CDK19: variants seen among roughly 807,000 people sequenced by gnomAD.
CDK19 encodes cyclin dependent kinase 19, also known as cyclin-dependent kinase 19.
A neutral mutation model predicts 68.3 loss-of-function variants in CDK19; 20 were observed. The ratio of observed to expected loss-of-function variants is 0.29; its 90% CI spans 0.21 to 0.43. The LOEUF is 0.43. CDK19 is among the 20% of genes least tolerant of loss of function. The probability of loss-of-function intolerance (pLI) is 1.00; values close to 1 mark genes in which losing one functional copy is unlikely to be tolerated. For synonymous variants in CDK19, 221 were observed against 222.8 expected, an observed-to-expected ratio of 0.99 and a Z score of 0.07; for missense variants, 339 against 623.5, an observed-to-expected ratio of 0.54 and a Z score of 4.86.
At chr6:110,660,413 T>C (rs1582801310) in intron 4 of CDK19, among the ~76,000 whole-genome samples, 2 of 152,180 alleles carry the variant, frequency 1.3e-5, no homozygotes, top group African/African-American at 4.8e-5. Context: ...AGTGCCCTTT[T>C]AGCTTTGCCA....
chr6:110,801,600 C>T (rs1782352146), intron 1 of CDK19, among the ~76,000 whole-genome samples: 1 of 152,170 alleles, frequency 6.6e-6, no homozygotes, highest in African/African-American at 2.4e-5. Flanking sequence ...CAAGCTCCGC[C>T]TCCCAGGTTC....
chr6:110,741,442 C>A (rs749879184), intron 2 of CDK19, among the ~76,000 whole-genome samples: 14 of 151,012 alleles, frequency 9.3e-5, no homozygotes, highest in African/African-American at 1.7e-4. Context: ...GCCTGGGCAA[C>A]AGAGTGAGAT....
At chr6:110,702,755 T>C (rs1302994738) in intron 2 of CDK19, among the ~76,000 whole-genome samples, 1 of 152,184 alleles carries the variant, frequency 6.6e-6, no homozygotes, top group Middle Eastern at 3.2e-3. Flanking sequence ...TATATATATC[T>C]ATCTCTTTGG....
chr6:110,621,001 C>G lies in CDK19; in HGVS notation c.1377+103G>C. 1 of 1,092,792 alleles carries G rather than the reference C, an allele frequency of 9.2e-7. No homozygotes were observed. Among genetic ancestry groups the G allele is most frequent in the Non-Finnish European group, 1.3e-6 (1 of 762,668 alleles). The allele number at this position is 1,092,792 out of a possible 1,614,324, so 67.7% of individuals were successfully genotyped here. A position where few individuals can be genotyped will look rare whatever the true frequency, so the allele number is the denominator to read the frequency against. ...AGAATGCCCTAGAAACAGGATTGCACAGTCAAATGTAAGAGTTAAGTGTTA... is the reference window on the plus strand; with the variant it reads ...AGAATGCCCTAGAAACAGGATTGCAGAGTCAAATGTAAGAGTTAAGTGTTA... On this transcript the variant is annotated intron_variant, in intron 12 of 12. Transcript: ENST00000368911. The surrounding 1 kb of genome is among the most constrained non-coding windows in gnomAD (Gnocchi z 5.4).
intron 6 of CDK19, among the ~76,000 whole-genome samples, chr6:110,630,325 G>A (rs940194688): frequency 2.6e-5 from 4 of 152,108 alleles, no homozygotes; most frequent in Non-Finnish European, 5.9e-5. Flanking sequence ...TCCCTTCCTC[G>A]TGTCCTGGGT....
At chr6:110,635,504 T>C (rs1391550971) in intron 5 of CDK19, among the ~76,000 whole-genome samples, 1 of 152,186 alleles carries the variant, frequency 6.6e-6, no homozygotes, top group Non-Finnish European at 1.5e-5. Context: ...GGGCAAAATG[T>C]GTTTTCCATG....
chr6:110,664,409 A>G (rs534730040), intron 4 of CDK19, among the ~76,000 whole-genome samples: 2 of 152,242 alleles, frequency 1.3e-5, no homozygotes, highest in African/African-American at 4.8e-5. Flanking sequence ...TCTCTCATCT[A>G]TCTTATAGTA....
chr6:110,727,794 G>A (rs1776424977), intron 2 of CDK19, among the ~76,000 whole-genome samples: 2 of 151,024 alleles, frequency 1.3e-5, no homozygotes, highest in East Asian at 1.9e-4. Context: ...GCAACATACC[G>A]AGACCTCATC....
intron 1 of CDK19, among the ~76,000 whole-genome samples, chr6:110,760,119 G>A (rs976547780): frequency 6.6e-6 from 1 of 152,080 alleles, no homozygotes; most frequent in African/African-American, 2.4e-5. Context: ...AACTAGGCCA[G>A]GCGCGGTGCA....
At chr6:110,660,912 G>A (rs1371903712) in intron 4 of CDK19, among the ~76,000 whole-genome samples, 1 of 152,126 alleles carries the variant, frequency 6.6e-6, no homozygotes, top group Non-Finnish European at 1.5e-5. Flanking sequence ...AGGCTTGAGG[G>A]TAGGAACTTC....
At chr6:110,687,816 ATAAG>A (rs780785281) in intron 2 of CDK19, among the ~76,000 whole-genome samples, 16 of 152,256 alleles carry the variant, frequency 1.1e-4, no homozygotes, top group Non-Finnish European at 2.2e-4. Flanking sequence ...ATAATGAAGA[ATAAG>A]TAACACCATA....
chr6:110,801,441 T>C (rs776814199), intron 1 of CDK19, among the ~76,000 whole-genome samples: 1 of 152,136 alleles, frequency 6.6e-6, no homozygotes, highest in Non-Finnish European at 1.5e-5. Flanking sequence ...GCCATGATCA[T>C]GCCACTGCAC....
rs920247290 is a variant in CDK19 at position 110,623,528 on chromosome 6, T to C, written c.861-166A>G. 4 of 501,952 alleles carry C rather than the reference T, an allele frequency of 8.0e-6. No homozygotes were observed. The African/African-American group carries it at 8.3e-5, about 10-fold the overall frequency. The allele number at this position is 501,952 out of a possible 1,614,324, so 31.1% of individuals were successfully genotyped here. On this transcript the variant is annotated intron_variant, in intron 8 of 12. Coordinates refer to ENST00000368911, the MANE Select transcript of CDK19 (RefSeq NM_015076.5). Reference sequence around the variant, plus strand: ...AAATATTAGCAAATGTGTGAAGAAATAGGAACTGTCACACACAACATGAGA... The same window carrying C: ...AAATATTAGCAAATGTGTGAAGAAACAGGAACTGTCACACACAACATGAGA...
chr6:110,733,854 C>T (rs903933289), intron 2 of CDK19, among the ~76,000 whole-genome samples: 10 of 152,162 alleles, frequency 6.6e-5, no homozygotes, highest in African/African-American at 1.7e-4. Flanking sequence ...CTATTCTTGA[C>T]TTACCAACTT....
chr6:110,714,309 A>C (rs1042252532), intron 2 of CDK19, among the ~76,000 whole-genome samples: 3 of 152,230 alleles, frequency 2.0e-5, no homozygotes, highest in African/African-American at 7.2e-5. Context: ...TTATCCATTC[A>C]TCAGCTGATG....
intron 1 of CDK19, among the ~76,000 whole-genome samples, chr6:110,788,290 A>G (rs1389710211): frequency 6.6e-6 from 1 of 152,018 alleles, no homozygotes; most frequent in African/African-American, 2.4e-5. Context: ...AGCTTCTCAA[A>G]TATCTAGGAC....
intron 2 of CDK19, among the ~76,000 whole-genome samples, chr6:110,694,947 T>C (rs1289124115): frequency 6.6e-6 from 1 of 152,120 alleles, no homozygotes; most frequent in African/African-American, 2.4e-5. Context: ...CAAAACCCCA[T>C]CTCTACTAAA....
intron 1 of CDK19, among the ~76,000 whole-genome samples, chr6:110,773,662 T>C (rs1418906761): frequency 3.3e-5 from 5 of 152,208 alleles, no homozygotes; most frequent in Non-Finnish European, 4.4e-5. Flanking sequence ...TTAGAGTCTT[T>C]AGTTCTATCT....
At chr6:110,763,084 A>C (rs1443665264) in intron 1 of CDK19, among the ~76,000 whole-genome samples, 1 of 152,238 alleles carries the variant, frequency 6.6e-6, no homozygotes, top group East Asian at 1.9e-4. Flanking sequence ...ACTGAGGTAT[A>C]GTCTTTGCCC....
Sources: allele counts gnomAD v4.1 joint callset (sites outside exome capture counted in the v4.1 genomes callset), GRCh38; gene constraint gnomAD v4.1.1; non-coding constraint Gnocchi (gnomAD v3.1); transcripts MANE v1.5; gene names NCBI Gene and HGNC (gene_info 2026-07-23, HGNC 2026-07-21).